Variants in SUPT3H observed in about 807,000 individuals in gnomAD.
The protein encoded by SUPT3H is SPT3 homolog, SAGA and STAGA complex component.
In SUPT3H, 44 loss-of-function variants were observed where a neutral mutation model predicts 44.3. The observed-to-expected ratio is 0.99, with a 90% CI of 0.78 to 1.28. The LOEUF is 1.28. Among genes scored for constraint, SUPT3H ranks in the 50% most tolerant of loss-of-function variants. The pLI is 0.00. For synonymous variants in SUPT3H, 124 were observed against 125.6 expected (o/e 0.99, Z 0.09); for missense variants, 380 against 387.1 (o/e 0.98, Z 0.15).
intron 3 of SUPT3H, among the ~76,000 whole-genome samples, chr6:45,078,451 G>A (rs1024585534): frequency 1.1e-4 from 16 of 152,088 alleles, no homozygotes; most frequent in African/African-American, 3.1e-4. Context: ...ACACAGTATC[G>A]TTACAGCATT....
chr6:45,018,266 T>A (rs1784600690), intron 4 of SUPT3H, among the ~76,000 whole-genome samples: 1 of 152,202 alleles, frequency 6.6e-6, no homozygotes, highest in Non-Finnish European at 1.5e-5. Context: ...TGGGGTTTTC[T>A]AGATATATAA....
At chr6:45,265,727 A>T (rs945250656) in intron 2 of SUPT3H, among the ~76,000 whole-genome samples, 26 of 152,024 alleles carry the variant, frequency 1.7e-4, no homozygotes, top group African/African-American at 6.0e-4. Context: ...TATCACGTAA[A>T]ATTAGTGTGT....
intron 2 of SUPT3H, among the ~76,000 whole-genome samples, chr6:45,149,687 A>G (rs1247567103): frequency 6.6e-6 from 1 of 152,218 alleles, no homozygotes; most frequent in Non-Finnish European, 1.5e-5. Context: ...CAAAGTAAGA[A>G]TATACTAAGG....
intron 10 of SUPT3H, among the ~76,000 whole-genome samples, chr6:44,905,376 T>C (rs1273223893): frequency 6.6e-6 from 1 of 151,650 alleles, no homozygotes; most frequent in Non-Finnish European, 1.5e-5. Flanking sequence ...AACAGACACT[T>C]CTCAAAAGAA....
chr6:44,817,658 CA>C (rs1766998901), intron 11 of SUPT3H, among the ~76,000 whole-genome samples: 1 of 149,652 alleles, frequency 6.7e-6, no homozygotes, highest in African/African-American at 2.5e-5. Context: ...AGTTAATATA[CA>C]AAAATCAATT....
At chr6:44,818,684 G>A (rs1767070597) in intron 11 of SUPT3H, among the ~76,000 whole-genome samples, 1 of 152,090 alleles carries the variant, frequency 6.6e-6, no homozygotes, top group African/African-American at 2.4e-5. Flanking sequence ...GATGGCAAAT[G>A]AACACATGGA....
At chr6:45,056,012 A>G (rs901419536) in intron 3 of SUPT3H, among the ~76,000 whole-genome samples, 5 of 152,200 alleles carry the variant, frequency 3.3e-5, no homozygotes, top group African/African-American at 7.2e-5. Context: ...AAAATGGGCT[A>G]AAAACATGAA....
chr6:44,956,471 A>C (rs1294819416), intron 7 of SUPT3H, among the ~76,000 whole-genome samples: 15 of 20,820 alleles, frequency 7.2e-4, no homozygotes, highest in Admixed American at 3.5e-3. Context: ...AAACTGTCTC[A>C]AAAAAAAAAA....
intron 6 of SUPT3H, among the ~76,000 whole-genome samples, chr6:44,993,865 A>T (rs1780924588): frequency 6.6e-6 from 1 of 152,154 alleles, no homozygotes; most frequent in African/African-American, 2.4e-5. Flanking sequence ...TTGACGTATT[A>T]CATTGTTTCA....
rs1796387649 is a variant in SUPT3H at position 45,085,668 on chromosome 6, T to C, written c.186+20254A>G. Reference sequence around the variant, plus strand: ...TGTAATCAAAATTCCTTTCTACTTATCTCTTGCTTGTATATGTTTTCCACA... The same window carrying C: ...TGTAATCAAAATTCCTTTCTACTTACCTCTTGCTTGTATATGTTTTCCACA... On this transcript the variant is annotated intron_variant, in intron 3 of 10. Transcript: ENST00000371459. Among the ~76,000 whole-genome samples, 3 of 152,164 alleles carry C rather than the reference T, an allele frequency of 2.0e-5. No individual in the cohort carries two copies. The South Asian group carries it at 6.2e-4, about 31-fold the overall frequency.
chr6:44,879,341 T>C (rs1777817757), intron 10 of SUPT3H, among the ~76,000 whole-genome samples: 1 of 152,158 alleles, frequency 6.6e-6, no homozygotes, highest in African/African-American at 2.4e-5. Flanking sequence ...CCACTGCAGC[T>C]TGGCTAAGCT....
At chr6:45,106,067 T>C in intron 2 of SUPT3H, 61 bp from the exon 3 acceptor site, 2 of 1,317,714 alleles carry the variant, frequency 1.5e-6, no homozygotes, top group Non-Finnish European at 2.2e-6. Context: ...AGGCAAAAAG[T>C]GAAACATTTA....
chr6:45,180,630 T>C (rs1812973646), intron 2 of SUPT3H, among the ~76,000 whole-genome samples: 1 of 152,026 alleles, frequency 6.6e-6, no homozygotes, highest in African/African-American at 2.4e-5. Context: ...GGATTCCCTA[T>C]TTAATAAACG....
intron 2 of SUPT3H, among the ~76,000 whole-genome samples, chr6:45,339,289 G>C (rs1789272603): frequency 6.6e-6 from 1 of 152,140 alleles, no homozygotes; most frequent in Non-Finnish European, 1.5e-5. Flanking sequence ...TCTTGGGGAA[G>C]AGCAGCTTGT....
intron 3 of SUPT3H, among the ~76,000 whole-genome samples, chr6:45,084,259 G>A (rs570448100): frequency 6.6e-6 from 1 of 152,094 alleles, no homozygotes; most frequent in African/African-American, 2.4e-5. Context: ...AAAGGTCTAC[G>A]TCTAGAATCT....
chr6:44,838,065 T>C (rs2153414398), intron 10 of SUPT3H, among the ~76,000 whole-genome samples: 1 of 152,308 alleles, frequency 6.6e-6, no homozygotes, highest in East Asian at 1.9e-4. Context: ...TAAATTACAA[T>C]TAAGGTCTTT....
intron 3 of SUPT3H, among the ~76,000 whole-genome samples, chr6:45,077,433 C>T (rs1194237334): frequency 2.0e-5 from 3 of 151,700 alleles, no homozygotes; most frequent in South Asian, 4.2e-4. Context: ...TTGAAACCAG[C>T]CTGGGCAACA....
chr6:44,890,978 C>T (rs959507969), intron 10 of SUPT3H, among the ~76,000 whole-genome samples: 2 of 149,270 alleles, frequency 1.3e-5, no homozygotes, highest in Admixed American at 6.7e-5. Context: ...TGGGGCCTGT[C>T]GGGGTTGGGG....
chr6:45,034,723 TTTACA>T (rs1208246888), intron 3 of SUPT3H, among the ~76,000 whole-genome samples: 3 of 152,194 alleles, frequency 2.0e-5, no homozygotes, highest in African/African-American at 7.2e-5. Flanking sequence ...TTTCTGACAC[TTTACA>T]TTATTTTTAC....
Sources: allele counts gnomAD v4.1 joint callset (sites outside exome capture counted in the v4.1 genomes callset), GRCh38; gene constraint gnomAD v4.1.1; transcripts MANE v1.5; gene names NCBI Gene and HGNC (gene_info 2026-07-23, HGNC 2026-07-21).